ACE: variants seen among roughly 807,000 people sequenced by gnomAD.
ACE encodes angiotensin-converting enzyme.
Under a neutral mutation model 162.3 loss-of-function variants are expected in ACE, and 122 were observed. That is an observed-to-expected ratio of 0.75 (90% CI 0.65 to 0.87). The LOEUF (loss-of-function observed/expected upper bound fraction) is 0.87. Among genes scored for constraint, ACE ranks in the 40% least tolerant of loss-of-function variants. ACE has a pLI of 0.00. For missense variants in ACE, 1,799 were observed against 1,735.1 expected (o/e 1.04, Z -0.65); for synonymous variants, 796 against 720.6 (o/e 1.10, Z -1.68).
rs908511692 is a variant in ACE, at chr17:63,482,613, C to T, written c.1266C>T (p.Asp422=). ...ANPGFHEAIG[D]VLALSVSTPE... is the part of the protein sequence containing the mutation. ...CCGGCTTCCATGAGGCCATTGGGGA[C>T]GTGCTGGCGCTCTCGGTCTCCACTC... is the stretch of plus-strand genomic sequence containing the variant. The change falls in exon 8 of 25, where the codon GAC becomes GAT. Residue 422 remains aspartate (D), a synonymous_variant. Coordinates refer to ENST00000290866, the MANE Select transcript of ACE (RefSeq NM_000789.4). The T allele has an allele frequency of 7.4e-6, 12 of 1,613,978 alleles. No homozygotes were observed. The highest frequency in any genetic ancestry group is 4.0e-5 in the African/African-American group (3 of 74,916).
chr17:63,484,751 C>T lies in ACE; in HGVS notation c.1921+210C>T, dbSNP rs2029864237. 4 of 1,468,960 alleles carry T rather than the reference C, an allele frequency of 2.7e-6. No individual in the cohort carries two copies. The highest frequency in any genetic ancestry group is 3.6e-6 in the Non-Finnish European group (4 of 1,113,054). 91.0% of individuals were successfully genotyped at this position (1,468,960 alleles called of 1,614,324 possible). A position where few individuals can be genotyped will look rare whatever the true frequency, so the allele number is the denominator to read the frequency against. Reference sequence around the variant, plus strand: ...CATCCTAGAGAGGGTGTGCTCAGACCTGAGGGCCCCTCCCCTTCCAGAGGA... The same window carrying T: ...CATCCTAGAGAGGGTGTGCTCAGACTTGAGGGCCCCTCCCCTTCCAGAGGA... On this transcript the variant is annotated intron_variant, in intron 12 of 24. Transcript: ENST00000290866. The surrounding 1 kb of genome is among the most constrained non-coding windows in gnomAD (Gnocchi z 4.0).
Position 63,491,157 on chromosome 17 carries a change from C to T in ACE, c.2740-52C>T, listed in dbSNP as rs3730042. The T allele has an allele frequency of 5.5e-4, 885 of 1,611,486 alleles. 3 individuals carry two copies. The African/African-American group carries it at 9.9e-3, about 18-fold the overall frequency. On this transcript the variant is annotated intron_variant, in intron 18 of 24. Coordinates refer to ENST00000290866, the MANE Select transcript of ACE (RefSeq NM_000789.4). The surrounding 1 kb of genome is among the most constrained non-coding windows in gnomAD (Gnocchi z 4.4). ...CTCCCCCGGGATCCCCACGGCAGCA[C>T]GCAGTCTGTCCCCGGAACCCCCAGT... is the stretch of plus-strand genomic sequence containing the variant.
chr17:63,481,234 G>GGGCGCCC, intron 6 of ACE, 46 bp downstream of exon 6: 1 of 624,020 alleles, frequency 1.6e-6, no homozygotes, highest in Non-Finnish European at 3.0e-6. Flanking sequence ...CGGGGGTGGG[G>GGGCGCCC]CGCAAAAAAA....
rs1437911028 is a variant in ACE, at chr17:63,484,237, G to A, written c.1710-93G>A. On this transcript the variant is annotated intron_variant, in intron 11 of 24. Transcript: ENST00000290866. The surrounding 1 kb of genome is among the most constrained non-coding windows in gnomAD (Gnocchi z 4.0). ...TGCCACAGTTTCTGCAGTCCATTGG[G>A]GGGCGGAAGTGGCCAGGGGCATGTG... 1 of 1,407,452 alleles carries A rather than the reference G, an allele frequency of 7.1e-7. No homozygotes were observed. Among genetic ancestry groups the A allele is most frequent in the Non-Finnish European group, 9.7e-7 (1 of 1,029,664 alleles). The allele number at this position is 1,407,452 out of a possible 1,614,324, so 87.2% of individuals were successfully genotyped here.
chr17:63,490,555 T>C, intron 17 of ACE: 1 of 280,424 alleles, frequency 3.6e-6, no homozygotes. Context: ...TGACAGTACC[T>C]GGGTGCAGAC....
rs540478410 is a variant in ACE, at chr17:63,497,661, C to T, written c.*295C>T. Reference sequence around the variant, plus strand: ...CTCACAGGGAAGCCAGGGACAGGGACAGGCTGCTTTCCTGCCTCCTGGCAG... The same window carrying T: ...CTCACAGGGAAGCCAGGGACAGGGATAGGCTGCTTTCCTGCCTCCTGGCAG... On this transcript the variant is annotated 3_prime_UTR_variant, in exon 25 of 25. Transcript: ENST00000290866. 232 of 615,278 alleles carry T rather than the reference C, an allele frequency of 3.8e-4. 1 individual carries two copies. Among genetic ancestry groups the T allele is most frequent in the African/African-American group, 3.4e-3 (188 of 55,234 alleles). 38.1% of individuals were successfully genotyped at this position (615,278 alleles called of 1,614,324 possible).
chr17:63,491,313 G>A lies in ACE; in HGVS notation c.2844G>A (p.Lys948=), dbSNP rs771881312. ...PEFWNKSMLE[K]PTDGREVVCH... ...TCTGGAACAAGTCGATGCTGGAGAAGCCAACCGACGGGCGGGAGGTGGTCT... is the reference window on the plus strand; with the variant it reads ...TCTGGAACAAGTCGATGCTGGAGAAACCAACCGACGGGCGGGAGGTGGTCT... Residue 948 remains lysine, a synonymous_variant, in exon 19 of 25, where the codon AAG becomes AAA. Transcript: ENST00000290866. The surrounding 1 kb of genome is among the most constrained non-coding windows in gnomAD (Gnocchi z 4.4). 3.1e-6 allele frequency: 5 copies of A among 1,614,062 alleles called. No homozygotes were observed. The South Asian group carries it at 5.5e-5, about 18-fold the overall frequency.
Position 63,498,009 on chromosome 17 carries a change from A to G in ACE, c.*643A>G. 1 of 185,454 alleles carries G rather than the reference A, an allele frequency of 5.4e-6. No individual in the cohort carries two copies. Among genetic ancestry groups the G allele is most frequent in the Non-Finnish European group, 1.1e-5 (1 of 88,606 alleles). 11.5% of individuals were successfully genotyped at this position (185,454 alleles called of 1,614,324 possible). A position where few individuals can be genotyped will look rare whatever the true frequency, so the allele number is the denominator to read the frequency against. On this transcript the variant is annotated 3_prime_UTR_variant, in exon 25 of 25. Coordinates refer to ENST00000290866, the MANE Select transcript of ACE (RefSeq NM_000789.4). ...CTGCCTCAGGGGGCGAGTACCTTGGAGGGCCTGCTTCAAGGAGGGTGCCCC... is the reference window on the plus strand; with the variant it reads ...CTGCCTCAGGGGGCGAGTACCTTGGGGGGCCTGCTTCAAGGAGGGTGCCCC...
chr17:63,479,721 A>G (rs369351989), intron 3 of ACE, 48 bp from the exon 4 acceptor site: 179 of 1,607,980 alleles, frequency 1.1e-4, no homozygotes, highest in Middle Eastern at 9.9e-4. Flanking sequence ...GCCGTTGAAG[A>G]CTTCAACGTG....
At chr17:63,485,480 A>ATTTATTTATTTTTTTTTTTTTTTTTTTT in intron 13 of ACE, 108 bp downstream of exon 13, 1 of 1,508,650 alleles carries the variant, frequency 6.6e-7, no homozygotes, top group African/African-American at 1.4e-5. Flanking sequence ...TTGAATATTT[A>ATTTATTTATTTTTTTTTTTTTTTTTTTT]AAACAATACT....
chr17:63,481,282 G>C (rs1459750891), intron 6 of ACE, 94 bp downstream of exon 6: 3 of 1,216,446 alleles, frequency 2.5e-6, no homozygotes, highest in Middle Eastern at 5.4e-4. Flanking sequence ...GAAGGTTTCG[G>C]GTACTGAGCA....
chr17:63,484,450 G>A lies in ACE; in HGVS notation c.1830G>A (p.Leu610=), dbSNP rs1248281826. 1 of 1,612,282 alleles carries A rather than the reference G, an allele frequency of 6.2e-7. No individual in the cohort carries two copies. The highest frequency in any genetic ancestry group is 1.3e-5 in the African/African-American group (1 of 75,038). The change falls in exon 12 of 25, where the codon CTG becomes CTA. Residue 610 remains leucine, a synonymous_variant. Coordinates refer to ENST00000290866, the MANE Select transcript of ACE (RefSeq NM_000789.4). The surrounding 1 kb of genome is among the most constrained non-coding windows in gnomAD (Gnocchi z 4.0). ...LKYFQPVTQW[L]QEQNQQNGEV... ...ACTTCCAGCCAGTCACCCAGTGGCT[G>A]CAGGAGCAGAACCAGCAGAACGGCG...
intron 2 of ACE, 29 bp from the exon 3 acceptor site, chr17:63,478,975 CACT>C: frequency 1.3e-6 from 2 of 1,575,274 alleles, no homozygotes; most frequent in East Asian, 4.5e-5. Flanking sequence ...AGGGGCTGGT[CACT>C]GGAGCATTCC....
At chr17:63,496,698 A>T in intron 23 of ACE, 100 bp from the exon 24 acceptor site, 1 of 1,588,258 alleles carries the variant, frequency 6.3e-7, no homozygotes, top group Non-Finnish European at 8.6e-7. Flanking sequence ...GGGCCCTGGG[A>T]CAAGTTTCAG....
chr17:63,482,305 A>C (rs1447175702), intron 7 of ACE, among the ~76,000 whole-genome samples, 161 bp from the exon 8 acceptor site: 2 of 151,836 alleles, frequency 1.3e-5, no homozygotes, highest in Non-Finnish European at 2.9e-5. Flanking sequence ...TGTCTCAAAA[A>C]AAAAAAAGAA....
In ACE at chr17:63,479,793, C is replaced by T. The variant is rs374910265; in HGVS notation, c.536C>T (p.Ser179Leu). The T allele has an allele frequency of 2.4e-5, 39 of 1,613,228 alleles. No homozygotes were observed. Among genetic ancestry groups the T allele is most frequent in the Non-Finnish European group, 2.8e-5 (33 of 1,180,040 alleles). The stretch of plus-strand genomic sequence containing the variant: ...GATCTCACCAACATCCTGGCTTCCT[C>T]GCGAAGCTACGCCATGCTCCTGTTT... ...DPDLTNILAS[S>L]RSYAMLLFAW... is the part of the protein sequence containing the mutation. The change falls in exon 4 of 25, where the codon TCG (serine) becomes TTG (leucine). Residue 179 changes from serine to leucine, a missense_variant. By Grantham distance (145) the Ser-to-Leu change is moderately radical. Coordinates refer to ENST00000290866, the MANE Select transcript of ACE (RefSeq NM_000789.4).
intron 15 of ACE, 93 bp downstream of exon 15, chr17:63,487,166 C>T (rs1024513474): frequency 2.8e-5 from 30 of 1,085,492 alleles, no homozygotes; most frequent in Non-Finnish European, 3.5e-5. Context: ...TTGGGTTCCC[C>T]TCGCTCTTGG....
Position 63,494,394 on chromosome 17 carries a change from C to T in ACE, c.3304C>T (p.Pro1102Ser). Residue 1102 changes from proline (P) to serine (S), a missense_variant, in exon 22 of 25, where the codon CCC becomes TCC. Physicochemically the swap from Pro to Ser is moderately conservative, Grantham distance 74. Transcript: ENST00000290866. ...CAGGCTGAAGTACCAGGGCCTCTGC[C>T]CCCCAGTGCCCAGGACTCAAGGTGA... ...SLRLKYQGLC[P>S]PVPRTQGDFD... The T allele has an allele frequency of 6.2e-7, 1 of 1,614,084 alleles. No individual in the cohort carries two copies. The highest frequency in any genetic ancestry group is 8.5e-7 in the Non-Finnish European group (1 of 1,179,986).
At position 63,494,032 on chromosome 17, in the gene ACE, AAGG is replaced by A; in HGVS notation, c.3250_3252del (p.Glu1084del). ...GAGGGTATTTGATGGAAGCATCACC[AAGG>A]AGAACTATAACCAGGAGTGGTGGAG... is the stretch of plus-strand genomic sequence containing the variant. On this transcript the variant is annotated inframe_deletion, in exon 21 of 25. Coordinates refer to ENST00000290866, the MANE Select transcript of ACE (RefSeq NM_000789.4). The A allele has an allele frequency of 1.2e-6, 2 of 1,614,092 alleles. No homozygotes were observed. The highest frequency in any genetic ancestry group is 1.7e-6 in the Non-Finnish European group (2 of 1,180,024).
Sources: allele counts gnomAD v4.1 joint callset (sites outside exome capture counted in the v4.1 genomes callset), GRCh38; gene constraint gnomAD v4.1.1; non-coding constraint Gnocchi (gnomAD v3.1); transcripts MANE v1.5; gene names NCBI Gene and HGNC (gene_info 2026-07-23, HGNC 2026-07-21).